ZMYM2: variants seen among roughly 807,000 people sequenced by gnomAD.
ZMYM2 encodes zinc finger MYM-type containing 2.
Under a neutral mutation model 162.8 loss-of-function variants are expected in ZMYM2, and 56 were observed. That is an observed-to-expected ratio of 0.34 (90% CI 0.28 to 0.43). ZMYM2 has a LOEUF of 0.43. Among genes scored for constraint, ZMYM2 ranks in the 20% least tolerant of loss-of-function variants. The pLI is 1.00. For synonymous variants in ZMYM2, 510 were observed against 541.6 expected, an observed-to-expected ratio of 0.94 and a Z score of 0.81; for missense variants, 1,275 against 1,621.8, an observed-to-expected ratio of 0.79 and a Z score of 3.67.
intron 17 of ZMYM2, among the ~76,000 whole-genome samples, chr13:20,061,606 T>A (rs1956242158): frequency 6.6e-6 from 1 of 152,120 alleles, no homozygotes; most frequent in Non-Finnish European, 1.5e-5. Context: ...GTTTTTTTTT[T>A]TAGATGAACT....
At chr13:19,954,912 G>A (rs547120425), upstream of ZMYM2, among the ~76,000 whole-genome samples, 1 of 151,818 alleles carries the variant, frequency 6.6e-6, no homozygotes, top group Non-Finnish European at 1.5e-5. Flanking sequence ...CCGGGTTCAA[G>A]CAACTCTCCC....
chr13:19,969,975 G>A (rs904581341), intron 2 of ZMYM2: 25 of 902,918 alleles, frequency 2.8e-5, no homozygotes, highest in Non-Finnish European at 3.3e-5. Flanking sequence ...CTACCTTATT[G>A]GATCTCTGGT....
At chr13:20,034,928 T>C (rs1953539597) in intron 11 of ZMYM2, among the ~76,000 whole-genome samples, 1 of 152,226 alleles carries the variant, frequency 6.6e-6, no homozygotes, top group Non-Finnish European at 1.5e-5. Flanking sequence ...GCTGCTCTGG[T>C]GCCAGGCAGC....
intron 12 of ZMYM2, among the ~76,000 whole-genome samples, chr13:20,050,750 T>G (rs1264189196): frequency 2.6e-5 from 4 of 152,048 alleles, no homozygotes; most frequent in Admixed American, 6.5e-5. Context: ...GAATTTTAAT[T>G]TGTTGTTCTT....
the ZMYM2 span, among the ~76,000 whole-genome samples, chr13:19,915,135 AT>A: frequency 6.6e-6 from 1 of 151,944 alleles, no homozygotes; most frequent in Non-Finnish European, 1.5e-5. Flanking sequence ...CTAATTTTGT[AT>A]TTTCAGTAGA....
chr13:20,005,338 A>G (rs1435806517), intron 5 of ZMYM2, 99 bp downstream of exon 5: 1 of 851,946 alleles, frequency 1.2e-6, no homozygotes, highest in Non-Finnish European at 1.8e-6. Context: ...TTCCTTAAAA[A>G]TGAATATATA....
chr13:19,993,691 G>C lies in ZMYM2; in HGVS notation c.619G>C (p.Gly207Arg), dbSNP rs776811226. The change falls in exon 3 of 25, where the codon GGG becomes CGG. Residue 207 changes from glycine to arginine, a missense_variant. Around this residue, in one of 10 missense-constraint regions of ZMYM2, gnomAD observed 295 missense variants for 286.7 expected, o/e 1.03. Transcript: ENST00000610343. ...VNDGQLENTD[G>R]RDMNLMITHV... ...TGATGGCCAATTAGAAAATACTGAC[G>C]GGCGAGATATGAACTTAATGATTAC... The C allele has an allele frequency of 6.2e-7, 1 of 1,613,796 alleles. No individual in the cohort carries two copies. Among genetic ancestry groups the C allele is most frequent in the African/African-American group, 1.3e-5 (1 of 74,906 alleles).
intron 21 of ZMYM2, chr13:20,071,852 G>A (rs1327410859): frequency 5.4e-6 from 1 of 186,162 alleles, no homozygotes; most frequent in East Asian, 8.8e-5. Context: ...ATGCTGCCCT[G>A]GATCCAGTGC....
intron 2 of ZMYM2, among the ~76,000 whole-genome samples, chr13:19,987,432 T>A (rs897648099): frequency 6.6e-6 from 1 of 151,752 alleles, no homozygotes; most frequent in Non-Finnish European, 1.5e-5. Context: ...CCTGGCTAAT[T>A]TTTTGTATTT....
chr13:19,982,539 C>T (rs990496428), intron 2 of ZMYM2, among the ~76,000 whole-genome samples: 8 of 152,030 alleles, frequency 5.3e-5, no homozygotes, highest in Admixed American at 1.3e-4. Flanking sequence ...CTACCTGCCT[C>T]GGCCTCCCAA....
intron 4 of ZMYM2, among the ~76,000 whole-genome samples, chr13:20,004,005 T>C (rs1330723300): frequency 6.6e-6 from 1 of 152,174 alleles, no homozygotes; most frequent in Non-Finnish European, 1.5e-5. Flanking sequence ...GAATATGGTA[T>C]GTTATATGCA....
At chr13:20,066,668 T>C (rs1956702107) in intron 19 of ZMYM2, 183 bp from the exon 20 acceptor site, 1 of 459,664 alleles carries the variant, frequency 2.2e-6, no homozygotes, top group East Asian at 3.5e-5. Flanking sequence ...TTGGAAGAGG[T>C]AGAAGGAGGT....
At chr13:19,935,701 A>G in the ZMYM2 span, among the ~76,000 whole-genome samples, 2 of 151,822 alleles carry the variant, frequency 1.3e-5, no homozygotes, top group East Asian at 1.9e-4. Flanking sequence ...GGTGGGGTGC[A>G]GTGGCGAGAT....
chr13:19,961,532 C>T (rs191352980), intron 2 of ZMYM2, among the ~76,000 whole-genome samples: 1 of 152,220 alleles, frequency 6.6e-6, no homozygotes, highest in Non-Finnish European at 1.5e-5. Context: ...TGATGCTTAT[C>T]GCCACATATT....
intron 19 of ZMYM2, among the ~76,000 whole-genome samples, chr13:20,066,087 C>T (rs1307493335): frequency 6.6e-6 from 1 of 152,072 alleles, no homozygotes; most frequent in Non-Finnish European, 1.5e-5. Context: ...CATCACATTT[C>T]CTGGAATATT....
chr13:20,045,966 G>A (rs1030806307), intron 12 of ZMYM2, among the ~76,000 whole-genome samples: 1 of 151,744 alleles, frequency 6.6e-6, no homozygotes, highest in African/African-American at 2.4e-5. Context: ...CTGGGGCTGG[G>A]TGCAGTGGCT....
At chr13:20,059,679 G>T in intron 16 of ZMYM2, 117 bp downstream of exon 16, 3 of 575,908 alleles carry the variant, frequency 5.2e-6, no homozygotes, top group Non-Finnish European at 9.0e-6. Flanking sequence ...CACATATGTG[G>T]ATGATTTTTT....
At chr13:19,895,884 TAATA>T in the ZMYM2 span, among the ~76,000 whole-genome samples, 1 of 151,826 alleles carries the variant, frequency 6.6e-6, no homozygotes, top group Non-Finnish European at 1.5e-5. Context: ...ATTGATTAAT[TAATA>T]AATATTGTAA....
chr13:20,021,074 A>C (rs373135914), intron 7 of ZMYM2, among the ~76,000 whole-genome samples: 2 of 150,800 alleles, frequency 1.3e-5, no homozygotes, highest in Non-Finnish European at 3.0e-5. Context: ...CTTCCAGGTT[A>C]ACGCCATTCT....
Sources: gnomAD v4.1 joint callset for allele counts (sites outside exome capture counted in the v4.1 genomes callset) on GRCh38, gnomAD v4.1.1 for gene constraint, gnomAD v4.1.1 regional missense constraint, MANE v1.5 for transcripts, NCBI Gene and HGNC (gene_info 2026-07-23, HGNC 2026-07-21) for gene names.